NFASC: variants seen among roughly 807,000 people sequenced by gnomAD.
NFASC encodes the protein neurofascin.
NFASC carries 43 observed loss-of-function variants against 147.5 expected under a neutral mutation model. The ratio of observed to expected loss-of-function variants is 0.29; its 90% CI spans 0.23 to 0.38. NFASC has a LOEUF of 0.38. NFASC is among the 10% of genes least tolerant of loss of function. The probability of loss-of-function intolerance (pLI) is 1.00; values close to 1 mark genes in which losing one functional copy is unlikely to be tolerated. For synonymous variants in NFASC, 622 were observed against 665.5 expected, an observed-to-expected ratio of 0.93 and a Z score of 1.01; for missense variants, 1,320 against 1,689.0, an observed-to-expected ratio of 0.78 and a Z score of 3.83.
Position 205,010,325 on chromosome 1 carries a change from C to T in NFASC, c.3421+637C>T, listed in dbSNP as rs59599748. 16,370 of 152,730 alleles carry T rather than the reference C, an allele frequency of 0.11. 1,128 individuals are homozygous for T. The highest frequency in any genetic ancestry group is 0.24 in the South Asian group (1,185 of 4,848). 9.5% of individuals were successfully genotyped at this position (152,730 alleles called of 1,614,324 possible). A position where few individuals can be genotyped will look rare whatever the true frequency, so the allele number is the denominator to read the frequency against. On this transcript the variant is annotated intron_variant, in intron 28 of 29. Coordinates refer to ENST00000339876, the MANE Select transcript of NFASC (RefSeq NM_001005388.3). The surrounding 1 kb of genome is among the most constrained non-coding windows in gnomAD (Gnocchi z 4.1). Reference sequence around the variant, plus strand: ...TTCAGCCCCTAGCCAGGCACAATGACTCACACCTGTAATCCCAGCACTTCG... The same window carrying T: ...TTCAGCCCCTAGCCAGGCACAATGATTCACACCTGTAATCCCAGCACTTCG...
At chr1:204,866,841 A>G (rs1319414929) in intron 1 of NFASC, among the ~76,000 whole-genome samples, 5 of 152,234 alleles carry the variant, frequency 3.3e-5, no homozygotes, top group African/African-American at 9.6e-5. Flanking sequence ...TGTCCTTTGG[A>G]AGCCAGGGCA....
chr1:204,870,970 C>T, intron 1 of NFASC: 1 of 1,286,136 alleles, frequency 7.8e-7, no homozygotes, highest in African/African-American at 1.5e-5. Flanking sequence ...CTGGGATGGC[C>T]TGGGGCCTAA....
At chr1:204,997,697 A>G in intron 25 of NFASC, 3 of 516,940 alleles carry the variant, frequency 5.8e-6, no homozygotes, top group South Asian at 2.1e-5. Flanking sequence ...CAGACGGCCA[A>G]GCTCCTTGGG....
chr1:204,879,189 C>T (rs2079622151), intron 1 of NFASC, among the ~76,000 whole-genome samples: 1 of 152,168 alleles, frequency 6.6e-6, no homozygotes, highest in African/African-American at 2.4e-5. Flanking sequence ...GCATGCCAGA[C>T]ACTAGGTGCT....
intron 1 of NFASC, among the ~76,000 whole-genome samples, chr1:204,863,996 A>G (rs1198679416): frequency 6.6e-6 from 1 of 151,470 alleles, no homozygotes; most frequent in Admixed American, 6.6e-5. Context: ...AAAGAAAGAA[A>G]CTCTATAACC....
rs773068106 is a variant in NFASC, at chr1:204,979,330, C to G, written c.1979-32C>G. 3.8e-6 allele frequency: 6 copies of G among 1,580,068 alleles called. No homozygotes were observed. In the Admixed American group the frequency reaches 1.0e-4, roughly 26 times the overall value. ...AAGAAGACCACTGCTAACTGAGCTC[C>G]CGAAACAGCTCTGTTTTCCTTGCCC... On this transcript the variant is annotated intron_variant, in intron 18 of 29. Coordinates refer to ENST00000339876, the MANE Select transcript of NFASC (RefSeq NM_001005388.3). The surrounding 1 kb of genome is among the most constrained non-coding windows in gnomAD (Gnocchi z 6.0).
In NFASC at chr1:205,002,646, C is replaced by A; in HGVS notation, c.3187C>A (p.Gln1063Lys). 6.3e-7 allele frequency: 1 copy of A among 1,579,308 alleles called. No homozygotes were observed. Among genetic ancestry groups the A allele is most frequent in the East Asian group, 2.3e-5 (1 of 44,148 alleles). Residue 1063 changes from glutamine (Q) to lysine (K), a missense_variant, in exon 27 of 30, where the codon CAG becomes AAG. Gln to Lys is a moderately conservative substitution (Grantham distance 53, BLOSUM62 1). Coordinates refer to ENST00000339876, the MANE Select transcript of NFASC (RefSeq NM_001005388.3). ...VPVKAQAQPI[Q>K]LTDLYPGMTY... ...AGTTAAGGCCCAGGCTCAGCCTATA[C>A]AGCTGACAGACCTCTATCCCGGGAT...
intron 1 of NFASC, among the ~76,000 whole-genome samples, chr1:204,890,515 A>G (rs1026516600): frequency 6.6e-6 from 1 of 152,204 alleles, no homozygotes. Context: ...AGCTTAAGTA[A>G]AGGTCCTTGA....
chr1:204,913,778 T>C (rs2088368325), intron 1 of NFASC, among the ~76,000 whole-genome samples: 1 of 151,356 alleles, frequency 6.6e-6, no homozygotes, highest in Non-Finnish European at 1.5e-5. Flanking sequence ...CCCAGCTACT[T>C]GGGAGGTTGA....
Position 204,968,269 on chromosome 1 carries a change from A to G in NFASC, c.727A>G (p.Thr243Ala), listed in dbSNP as rs760997124. The stretch of plus-strand genomic sequence containing the variant: ...TTCAGCCCGAGGAGTTGCAGAAAGA[A>G]CACCAAGCTTCATGTATCCCCAGGG... ...VLTTRGVAER[T>A]PSFMYPQGTA... Residue 243 changes from threonine (T) to alanine (A), a missense_variant, in exon 9 of 30, where the codon ACA (threonine) becomes GCA (alanine). By Grantham distance (58) the Thr-to-Ala change is moderately conservative (BLOSUM62 0). This residue lies in a region of NFASC where 981 missense variants were observed against 1,289.5 expected (regional missense o/e 0.76). Transcript: ENST00000339876. This position sits in a 1 kb window ranked among gnomAD's most constrained non-coding sequence, Gnocchi z 5.4. 3 of 1,614,158 alleles carry G rather than the reference A, an allele frequency of 1.9e-6. No homozygotes were observed. In the African/African-American group the frequency reaches 4.0e-5, roughly 22 times the overall value.
chr1:204,944,196 A>C (rs1157917512), intron 2 of NFASC, 30 bp from the exon 3 acceptor site: 1 of 1,538,870 alleles, frequency 6.5e-7, no homozygotes, highest in Admixed American at 2.0e-5. Context: ...TTCATGAAAA[A>C]CTCACTTGCT....
intron 27 of NFASC, among the ~76,000 whole-genome samples, chr1:205,006,298 G>A (rs565284173): frequency 6.6e-6 from 1 of 152,306 alleles, no homozygotes; most frequent in Non-Finnish European, 1.5e-5. Context: ...GTACTACGAG[G>A]CTAAAAGAGA....
chr1:204,830,008 T>G (rs1231392462), intron 1 of NFASC, among the ~76,000 whole-genome samples: 3 of 17,228 alleles, frequency 1.7e-4, no homozygotes, highest in Non-Finnish European at 1.8e-3. Context: ...TGGCATGGGG[T>G]GTGTGTGTGT....
At chr1:204,871,083 A>G (rs779464027) in intron 1 of NFASC, 2 of 1,289,368 alleles carry the variant, frequency 1.6e-6, no homozygotes, top group Non-Finnish European at 2.0e-6. Flanking sequence ...AGGATGGTCA[A>G]CTCTGCCCTC....
chr1:204,933,812 G>A (rs1429602939), intron 2 of NFASC, among the ~76,000 whole-genome samples: 1 of 152,036 alleles, frequency 6.6e-6, no homozygotes, highest in East Asian at 1.9e-4. Context: ...ATATAGGGAG[G>A]CTGTGGGATA....
chr1:204,949,178 C>G (rs1302388021), intron 3 of NFASC, among the ~76,000 whole-genome samples: 1 of 152,206 alleles, frequency 6.6e-6, no homozygotes, highest in Non-Finnish European at 1.5e-5. Flanking sequence ...GTCTTAGTCT[C>G]AAGATTTTCC....
intron 1 of NFASC, among the ~76,000 whole-genome samples, chr1:204,889,429 G>A (rs1396765632): frequency 6.6e-6 from 1 of 152,236 alleles, no homozygotes; most frequent in African/African-American, 2.4e-5. Context: ...CCCTTTTGGT[G>A]ATAGTACAAG....
chr1:205,010,383 G>C lies in NFASC; in HGVS notation c.3421+695G>C, dbSNP rs1238583898. The C allele has an allele frequency of 6.6e-6, 1 of 152,266 alleles. No homozygotes were observed. Among genetic ancestry groups the C allele is most frequent in the Non-Finnish European group, 1.5e-5 (1 of 68,092 alleles). The allele number at this position is 152,266 out of a possible 1,614,324, so 9.4% of individuals were successfully genotyped here. On this transcript the variant is annotated intron_variant, in intron 28 of 29. Coordinates refer to ENST00000339876, the MANE Select transcript of NFASC (RefSeq NM_001005388.3). The surrounding 1 kb of genome is among the most constrained non-coding windows in gnomAD (Gnocchi z 4.1). ...AAGGTGAGCAGGTCACTTAAGGTCA[G>C]GAGTTTGAGGCCAGCCCAACCAACA...
intron 16 of NFASC, chr1:204,977,176 C>T (rs2095424431): frequency 9.8e-7 from 1 of 1,024,756 alleles, no homozygotes; most frequent in Non-Finnish European, 1.2e-6. Flanking sequence ...CTTCCAATGA[C>T]CTCTGCCAGC....
Sources: gnomAD v4.1 joint callset for allele counts (sites outside exome capture counted in the v4.1 genomes callset) on GRCh38, gnomAD v4.1.1 for gene constraint, gnomAD v4.1.1 regional missense constraint, Gnocchi (gnomAD v3.1) non-coding constraint, MANE v1.5 for transcripts, NCBI Gene and HGNC (gene_info 2026-07-23, HGNC 2026-07-21) for gene names.